Variants in BASP1 observed in about 807,000 individuals in gnomAD.
BASP1 encodes the protein brain abundant membrane attached signal protein 1.
In BASP1, 1 loss-of-function variant was observed where a neutral mutation model predicts 2.2. The observed-to-expected ratio is 0.46, with a 90% CI of 0.16 to 2.17. BASP1 has a LOEUF of 2.17. Ranked by LOEUF, BASP1 falls within the 30% of genes most tolerant of loss-of-function variation. The pLI, the probability that BASP1 is intolerant of heterozygous loss-of-function variation, is 0.27. For synonymous variants in BASP1, 187 were observed against 154.2 expected (o/e 1.21, Z -1.58); for missense variants, 352 against 327.2 (o/e 1.08, Z -0.58).
chr5:17,235,201 T>C (rs1739716628), intron 1 of BASP1, among the ~76,000 whole-genome samples: 1 of 151,958 alleles, frequency 6.6e-6, no homozygotes, highest in African/African-American at 2.4e-5. Flanking sequence ...TGCATTAAGA[T>C]GGGCCACTCA....
intron 1 of BASP1, among the ~76,000 whole-genome samples, chr5:17,258,467 C>A (rs1579497464): frequency 6.6e-6 from 1 of 152,188 alleles, no homozygotes; most frequent in East Asian, 1.9e-4. Context: ...CATGCTGAGC[C>A]CACTAATTAA....
intron 1 of BASP1, among the ~76,000 whole-genome samples, chr5:17,231,991 C>T (rs1739641247): frequency 6.6e-6 from 1 of 152,172 alleles, no homozygotes; most frequent in Non-Finnish European, 1.5e-5. Flanking sequence ...ATCAGTTGTG[C>T]TTACTATGAA....
At position 17,275,769 on chromosome 5, in the gene BASP1, G is replaced by C. The variant is rs1320787935; in HGVS notation, c.553G>C (p.Glu185Gln). The C allele has an allele frequency of 1.9e-6, 3 of 1,612,766 alleles. No homozygotes were observed. The highest frequency in any genetic ancestry group is 2.5e-6 in the Non-Finnish European group (3 of 1,179,706). Residue 185 changes from glutamate (E) to glutamine (Q), a missense_variant, in exon 2 of 2, where the codon GAG becomes CAG. Transcript: ENST00000322611. This position sits in a 1 kb window ranked among gnomAD's most constrained non-coding sequence, Gnocchi z 5.3. ...GSSEAAPSSK[E>Q]TPAATEAPSS... is the part of the protein sequence containing the mutation. ...CTCGGAGGCTGCCCCCTCTTCCAAG[G>C]AGACCCCCGCAGCCACGGAAGCGCC... is the stretch of plus-strand genomic sequence containing the variant.
intron 1 of BASP1, among the ~76,000 whole-genome samples, chr5:17,242,848 T>TAA (rs77385290): frequency 1.4e-5 from 2 of 143,476 alleles, no homozygotes; most frequent in South Asian, 2.2e-4. Context: ...CAACTCAGTT[T>TAA]AAAAAAAAAA....
chr5:17,275,712 G>A lies in BASP1; in HGVS notation c.496G>A (p.Gly166Arg), dbSNP rs751498324. ...APAAQETKSD[G>R]APASDSKPGS... is the part of the protein sequence containing the mutation. ...TGCCGCCCAGGAGACCAAAAGTGACGGGGCCCCAGCTTCAGACTCAAAACC... is the reference window on the plus strand; with the variant it reads ...TGCCGCCCAGGAGACCAAAAGTGACAGGGCCCCAGCTTCAGACTCAAAACC... The change falls in exon 2 of 2, where the codon GGG becomes AGG. Residue 166 changes from glycine to arginine, a missense_variant. Transcript: ENST00000322611. The surrounding 1 kb of genome is among the most constrained non-coding windows in gnomAD (Gnocchi z 5.3). 18 of 1,606,908 alleles carry A rather than the reference G, an allele frequency of 1.1e-5. No individual in the cohort carries two copies. The highest frequency in any genetic ancestry group is 1.1e-4 in the African/African-American group (8 of 74,724).
At chr5:17,239,181 C>T (rs913290114) in intron 1 of BASP1, among the ~76,000 whole-genome samples, 1 of 152,066 alleles carries the variant, frequency 6.6e-6, no homozygotes, top group Non-Finnish European at 1.5e-5. Context: ...GCAACCTCTG[C>T]CTCCCGGGTT....
chr5:17,247,636 A>G (rs1247909286), intron 1 of BASP1, among the ~76,000 whole-genome samples: 1 of 152,206 alleles, frequency 6.6e-6, no homozygotes. Flanking sequence ...GATGTGGCCT[A>G]TAAAGTTCCT....
Position 17,276,369 on chromosome 5 carries a change from A to G in BASP1, c.*469A>G, listed in dbSNP as rs1561180699. 6.0e-6 allele frequency: 1 copy of G among 167,724 alleles called. No individual in the cohort carries two copies. The highest frequency in any genetic ancestry group is 2.4e-5 in the African/African-American group (1 of 41,472). 10.4% of individuals were successfully genotyped at this position (167,724 alleles called of 1,614,324 possible). ...GCAATCAGATCTTTATGAGAGCAGT[A>G]TTTTCTGTGTTTTCTTTTTAATTTA... is the stretch of plus-strand genomic sequence containing the variant. On this transcript the variant is annotated 3_prime_UTR_variant, in exon 2 of 2. Transcript: ENST00000322611.
chr5:17,256,988 C>A (rs898947647), intron 1 of BASP1, among the ~76,000 whole-genome samples: 2 of 152,192 alleles, frequency 1.3e-5, no homozygotes, highest in Non-Finnish European at 2.9e-5. Flanking sequence ...TTATCACAAC[C>A]TTTCTACCTA....
intron 1 of BASP1, among the ~76,000 whole-genome samples, chr5:17,227,446 G>T (rs766179355): frequency 1.3e-5 from 2 of 151,712 alleles, no homozygotes; most frequent in Non-Finnish European, 2.9e-5. Context: ...GTGTCGCCCA[G>T]GCTGGAGTGC....
At chr5:17,263,663 G>A (rs1159844667) in intron 1 of BASP1, among the ~76,000 whole-genome samples, 1 of 152,132 alleles carries the variant, frequency 6.6e-6, no homozygotes, top group Non-Finnish European at 1.5e-5. Context: ...CAACTCATCT[G>A]GATCACCTCT....
At chr5:17,240,356 G>A (rs1739838329) in intron 1 of BASP1, among the ~76,000 whole-genome samples, 1 of 152,046 alleles carries the variant, frequency 6.6e-6, no homozygotes, top group Admixed American at 6.5e-5. Flanking sequence ...CCAACATGGT[G>A]AAATCCTGTC....
In BASP1 at chr5:17,275,403, G is replaced by A. The variant is rs865975861; in HGVS notation, c.187G>A (p.Glu63Lys). 25 of 1,575,214 alleles carry A rather than the reference G, an allele frequency of 1.6e-5. No individual in the cohort carries two copies. Among genetic ancestry groups the A allele is most frequent in the South Asian group, 2.3e-5 (2 of 87,686 alleles). ...EGKEKPDQDA[E>K]GKAEEKEGEK... ...CAAGGAGAAGCCCGACCAGGACGCC[G>A]AGGGCAAGGCCGAGGAGAAGGAGGG... Residue 63 changes from glutamate (E) to lysine (K), a missense_variant, in exon 2 of 2, where the codon GAG (glutamate) becomes AAG (lysine). Physicochemically the swap from Glu to Lys is moderately conservative, Grantham distance 56. Coordinates refer to ENST00000322611, the MANE Select transcript of BASP1 (RefSeq NM_006317.5). This position sits in a 1 kb window ranked among gnomAD's most constrained non-coding sequence, Gnocchi z 5.3.
chr5:17,250,781 T>A lies in BASP1; in HGVS notation c.-9-24427T>A, dbSNP rs1323770923. On this transcript the variant is annotated intron_variant, in intron 1 of 1. Coordinates refer to ENST00000322611, the MANE Select transcript of BASP1 (RefSeq NM_006317.5). The stretch of plus-strand genomic sequence containing the variant: ...CACCATGCCCGGCTAATTTGTTGTA[T>A]TTTTAGTAGAGATGGGGTTTCACTG... Among the ~76,000 whole-genome samples the A allele has an allele frequency of 2.6e-5, 4 of 152,182 alleles. No homozygotes were observed. In the East Asian group the frequency reaches 7.7e-4, roughly 29 times the overall value.
chr5:17,232,366 C>T (rs913096725), intron 1 of BASP1, among the ~76,000 whole-genome samples: 3 of 152,162 alleles, frequency 2.0e-5, no homozygotes, highest in East Asian at 1.9e-4. Context: ...TGTGAAGCTG[C>T]GAACATCAGG....
chr5:17,222,937 A>C (rs1479296901), intron 1 of BASP1, among the ~76,000 whole-genome samples: 1 of 152,228 alleles, frequency 6.6e-6, no homozygotes, highest in African/African-American at 2.4e-5. Context: ...GAAACACTTC[A>C]GGATAATATA....
At chr5:17,238,247 T>C (rs1270472267) in intron 1 of BASP1, among the ~76,000 whole-genome samples, 2 of 152,190 alleles carry the variant, frequency 1.3e-5, no homozygotes, top group South Asian at 4.1e-4. Flanking sequence ...AGCTGTCTTA[T>C]GCAGGAAAAG....
At chr5:17,274,790 CACTT>C (rs1488729773) in intron 1 of BASP1, among the ~76,000 whole-genome samples, 1 of 152,210 alleles carries the variant, frequency 6.6e-6, no homozygotes, top group Non-Finnish European at 1.5e-5. Context: ...TTGCAGAACT[CACTT>C]AATTGAGCTC....
chr5:17,224,751 C>T (rs564688320), intron 1 of BASP1, among the ~76,000 whole-genome samples: 5 of 152,300 alleles, frequency 3.3e-5, no homozygotes, highest in Middle Eastern at 3.4e-3. Flanking sequence ...GATACTTTCA[C>T]GTTTCTCCTT....
Sources: allele counts gnomAD v4.1 joint callset (sites outside exome capture counted in the v4.1 genomes callset), GRCh38; gene constraint gnomAD v4.1.1; non-coding constraint Gnocchi (gnomAD v3.1); transcripts MANE v1.5; gene names NCBI Gene and HGNC (gene_info 2026-07-23, HGNC 2026-07-21).